Variants in PDGFC observed in about 807,000 individuals in gnomAD.
PDGFC encodes platelet-derived growth factor C.
PDGFC carries 12 observed loss-of-function variants against 35.5 expected under a neutral mutation model. The ratio of observed to expected loss-of-function variants is 0.34; its 90% CI spans 0.22 to 0.55. The LOEUF (loss-of-function observed/expected upper bound fraction) is 0.55, where lower values mean the gene tolerates loss of function less well. PDGFC is among the 20% of genes least tolerant of loss of function. The pLI is 0.91. For synonymous variants in PDGFC, 159 were observed against 148.8 expected, an observed-to-expected ratio of 1.07 and a Z score of -0.50; for missense variants, 322 against 412.4, an observed-to-expected ratio of 0.78 and a Z score of 1.90.
In PDGFC at chr4:156,881,931, A is replaced by G. The variant is rs116098791; in HGVS notation, c.119-31515T>C. 6.7e-3 allele frequency among the ~76,000 whole-genome samples: 1,022 copies of G among 151,768 alleles called. 8 individuals carry two copies. The highest frequency in any genetic ancestry group is 0.011 in the Non-Finnish European group (716 of 67,964). On this transcript the variant is annotated intron_variant, in intron 1 of 5. Transcript: ENST00000502773. ...GACTTACTCCTGCTTGCCTTCTGCC[A>G]TGATAGTGAGGCCTCCCCAGACATG...
chr4:156,813,758 G>A (rs1732004899), intron 2 of PDGFC, among the ~76,000 whole-genome samples: 1 of 152,074 alleles, frequency 6.6e-6, no homozygotes, highest in Non-Finnish European at 1.5e-5. Flanking sequence ...ACATTCCAAT[G>A]GGCTCGATGT....
intron 1 of PDGFC, among the ~76,000 whole-genome samples, chr4:156,864,916 C>G (rs1203459465): frequency 2.0e-5 from 3 of 152,056 alleles, no homozygotes; most frequent in African/African-American, 4.8e-5. Context: ...TCCTTTTAAA[C>G]CAATGGCTTG....
chr4:156,932,545 A>T (rs919867086), intron 1 of PDGFC, among the ~76,000 whole-genome samples: 1 of 152,060 alleles, frequency 6.6e-6, no homozygotes, highest in Non-Finnish European at 1.5e-5. Flanking sequence ...GCACATATAT[A>T]CCATGGAATA....
At chr4:156,831,906 T>G (rs968787120) in intron 2 of PDGFC, among the ~76,000 whole-genome samples, 1 of 152,182 alleles carries the variant, frequency 6.6e-6, no homozygotes, top group African/African-American at 2.4e-5. Context: ...AGTGAGCACT[T>G]TGATTTGCTA....
intron 1 of PDGFC, among the ~76,000 whole-genome samples, chr4:156,858,601 C>T (rs7683478): frequency 0.031 from 4,717 of 152,056 alleles, 272 homozygotes; most frequent in African/African-American, 0.11. Context: ...ACAAAAGAAG[C>T]ATTCACCTTA....
intron 3 of PDGFC, among the ~76,000 whole-genome samples, chr4:156,800,474 T>G (rs890423794): frequency 6.6e-6 from 1 of 152,216 alleles, no homozygotes; most frequent in African/African-American, 2.4e-5. Context: ...ATTAGAGAGA[T>G]ATGTAAAATT....
intron 1 of PDGFC, among the ~76,000 whole-genome samples, chr4:156,970,332 G>A (rs1034923026): frequency 2.0e-5 from 3 of 152,124 alleles, no homozygotes; most frequent in Non-Finnish European, 4.4e-5. Context: ...TCTACTCATT[G>A]ATTAATTGAT....
chr4:156,864,848 A>G (rs1729798182), intron 1 of PDGFC, among the ~76,000 whole-genome samples: 1 of 152,172 alleles, frequency 6.6e-6, no homozygotes. Flanking sequence ...AGCCTTCAAA[A>G]TTCCTCAAGT....
chr4:156,828,294 G>A (rs991930129), intron 2 of PDGFC, among the ~76,000 whole-genome samples: 6 of 152,110 alleles, frequency 3.9e-5, no homozygotes, highest in Non-Finnish European at 8.8e-5. Flanking sequence ...CCTGACACAT[G>A]CCCCATCTCA....
chr4:156,923,968 G>T (rs986390969), intron 1 of PDGFC, among the ~76,000 whole-genome samples: 1 of 152,152 alleles, frequency 6.6e-6, no homozygotes, highest in African/African-American at 2.4e-5. Context: ...AAAAAAGACT[G>T]CCACTGGGAA....
At chr4:156,809,585 T>C (rs1405239748) in intron 3 of PDGFC, among the ~76,000 whole-genome samples, 1 of 152,034 alleles carries the variant, frequency 6.6e-6, no homozygotes, top group Non-Finnish European at 1.5e-5. Context: ...ATACCATACA[T>C]ATACTATGTC....
intron 1 of PDGFC, among the ~76,000 whole-genome samples, chr4:156,905,679 C>T (rs1204424274): frequency 6.6e-6 from 1 of 152,064 alleles, no homozygotes; most frequent in Non-Finnish European, 1.5e-5. Context: ...TTCAGAATAT[C>T]TGCATCTAAT....
chr4:156,900,746 G>A (rs1251747772), intron 1 of PDGFC, among the ~76,000 whole-genome samples: 3 of 152,022 alleles, frequency 2.0e-5, no homozygotes, highest in Non-Finnish European at 4.4e-5. Flanking sequence ...GAGGTGGGAG[G>A]ATGGCTTCAG....
At chr4:156,784,494 G>A (rs757680855) in intron 3 of PDGFC, among the ~76,000 whole-genome samples, 12 of 152,100 alleles carry the variant, frequency 7.9e-5, no homozygotes, top group Admixed American at 2.0e-4. Context: ...AAGTTTCATC[G>A]AAGTAAGAAA....
At chr4:156,825,602 G>C (rs3964172) in intron 2 of PDGFC, among the ~76,000 whole-genome samples, 2 of 107,616 alleles carry the variant, frequency 1.9e-5, no homozygotes, top group East Asian at 2.5e-4. Context: ...ATAAGAAGAA[G>C]AAGAAGAAGA....
At chr4:156,764,872 CA>C (rs1730478104) in intron 5 of PDGFC, among the ~76,000 whole-genome samples, 1 of 151,980 alleles carries the variant, frequency 6.6e-6, no homozygotes, top group Admixed American at 6.6e-5. Context: ...AGATAAATTG[CA>C]ATATTGGCAT....
intron 3 of PDGFC, among the ~76,000 whole-genome samples, chr4:156,786,519 T>C (rs1379661700): frequency 6.6e-6 from 1 of 152,098 alleles, no homozygotes; most frequent in Non-Finnish European, 1.5e-5. Flanking sequence ...GGAAGTATGT[T>C]AGGTAAATTC....
intron 2 of PDGFC, among the ~76,000 whole-genome samples, chr4:156,845,851 T>C (rs1729313813): frequency 6.6e-6 from 1 of 151,944 alleles, no homozygotes; most frequent in East Asian, 1.9e-4. Context: ...CATTATTCTT[T>C]AACAGTCATA....
At chr4:156,891,233 T>A (rs1246703349) in intron 1 of PDGFC, among the ~76,000 whole-genome samples, 10 of 122,520 alleles carry the variant, frequency 8.2e-5, no homozygotes, top group African/African-American at 3.1e-4. Flanking sequence ...TGAGCCGAGA[T>A]CCCGCCACTG....
Sources: gnomAD v4.1 joint callset for allele counts (sites outside exome capture counted in the v4.1 genomes callset) on GRCh38, gnomAD v4.1.1 for gene constraint, MANE v1.5 for transcripts, NCBI Gene and HGNC (gene_info 2026-07-23, HGNC 2026-07-21) for gene names.